The following RALGDS variants were observed in gnomAD, a reference collection of about 807,000 sequenced individuals.
RALGDS encodes ral guanine nucleotide exchange factor.
RALGDS carries 44 observed loss-of-function variants against 99.8 expected under a neutral mutation model. The ratio of observed to expected loss-of-function variants is 0.44; its 90% confidence interval spans 0.35 to 0.57. The LOEUF is 0.57. Ranked by LOEUF, RALGDS falls within the 20% of genes least tolerant of loss-of-function variation. The probability of loss-of-function intolerance (pLI) is 0.01; values close to 1 mark genes in which losing one functional copy is unlikely to be tolerated. For missense variants in RALGDS, 1,022 were observed against 1,203.1 expected, an observed-to-expected ratio of 0.85 and a Z score of 2.23; for synonymous variants, 529 against 505.0, an observed-to-expected ratio of 1.05 and a Z score of -0.64.
At chr9:133,146,507 A>G (rs956964749) in intron 1 of RALGDS, among the ~76,000 whole-genome samples, 1 of 152,068 alleles carries the variant, frequency 6.6e-6, no homozygotes, top group Non-Finnish European at 1.5e-5. Context: ...TATGTTTAGA[A>G]TCAGGCCTGA....
At chr9:133,107,539 TC>T (rs1166851738) in intron 6 of RALGDS, among the ~76,000 whole-genome samples, 1 of 148,144 alleles carries the variant, frequency 6.8e-6, no homozygotes, top group African/African-American at 2.5e-5. Flanking sequence ...CCACCCCCCA[TC>T]CCCCCGCCTC....
chr9:133,136,746 G>A (rs1402483776), intron 1 of RALGDS, among the ~76,000 whole-genome samples: 7 of 152,008 alleles, frequency 4.6e-5, no homozygotes, highest in South Asian at 2.1e-4. Flanking sequence ...ACTCCAGCCT[G>A]GGCGACAGAG....
chr9:133,103,113 TG>T (rs1830841211), intron 12 of RALGDS, 116 bp downstream of exon 12: 1 of 1,446,314 alleles, frequency 6.9e-7, no homozygotes, highest in South Asian at 1.2e-5. Context: ...CCCTTCTCTC[TG>T]TGTCCAAATG....
At chr9:133,103,677 G>A (rs1479904831) in intron 11 of RALGDS, 70 bp downstream of exon 11, 19 of 1,489,278 alleles carry the variant, frequency 1.3e-5, no homozygotes, top group Non-Finnish European at 1.7e-5. Flanking sequence ...AGGTGTGGCA[G>A]CCCAGCCCCC....
chr9:133,103,957 C>G, intron 10 of RALGDS, 124 bp from the exon 11 acceptor site: 5 of 942,644 alleles, frequency 5.3e-6, no homozygotes, highest in South Asian at 2.7e-5. Context: ...GGCCCACTGT[C>G]TCCCTGGACC....
In RALGDS at chr9:133,108,056, C is replaced by A; in HGVS notation, c.1129G>T (p.Glu377Ter). The A allele has an allele frequency of 1.2e-6, 2 of 1,613,646 alleles. No individual in the cohort carries two copies. The highest frequency in any genetic ancestry group is 8.5e-7 in the Non-Finnish European group (1 of 1,180,040). ...SPVVAENGLS[E>*]EKPHLLVFPP... Reference sequence around the variant, plus strand: ...AACACCAAGAGGTGAGGCTTCTCCTCACTCAGCCCGTTCTCTGCAACCACA... The same window carrying A: ...AACACCAAGAGGTGAGGCTTCTCCTAACTCAGCCCGTTCTCTGCAACCACA... The change falls in exon 6 of 18, where the codon GAG (glutamate) becomes TAG (stop). Residue 377 changes from glutamate (E) to a stop codon, truncating the protein, a stop_gained. Transcript: ENST00000372050. LOFTEE classifies it high-confidence loss of function.
At chr9:133,100,869 C>CT in intron 16 of RALGDS, 5 of 1,057,334 alleles carry the variant, frequency 4.7e-6, no homozygotes, top group Non-Finnish European at 5.7e-6. Context: ...CAGGTGACTG[C>CT]TTAATGACAA....
At chr9:133,116,122 C>T (rs1009637969) in intron 1 of RALGDS, among the ~76,000 whole-genome samples, 10 of 123,722 alleles carry the variant, frequency 8.1e-5, no homozygotes, top group East Asian at 2.3e-4. Flanking sequence ...GGAGGTGGAA[C>T]GCAAGGGCCT....
chr9:133,099,962 C>G (rs1830678057), intron 17 of RALGDS: 1 of 444,138 alleles, frequency 2.3e-6, no homozygotes, highest in African/African-American at 2.0e-5. Flanking sequence ...TTGTCTTAGC[C>G]AGAAAGAGTC....
chr9:133,113,781 G>GTC (rs949559229), intron 1 of RALGDS, among the ~76,000 whole-genome samples: 2 of 152,164 alleles, frequency 1.3e-5, no homozygotes, highest in Non-Finnish European at 2.9e-5. Flanking sequence ...TCAGCTGGGA[G>GTC]TCTCTCTCTC....
intron 1 of RALGDS, among the ~76,000 whole-genome samples, chr9:133,113,887 C>A (rs531450695): frequency 6.6e-6 from 1 of 152,322 alleles, no homozygotes; most frequent in South Asian, 2.1e-4. Flanking sequence ...TCGTGCAGGA[C>A]AAGCCCGCCA....
intron 2 of RALGDS, among the ~76,000 whole-genome samples, chr9:133,111,208 C>A (rs1219789568): frequency 6.6e-6 from 1 of 151,892 alleles, no homozygotes; most frequent in Non-Finnish European, 1.5e-5. Context: ...ACAAAATATC[C>A]CCATTCTAGA....
At chr9:133,107,699 T>G (rs1300249389) in intron 6 of RALGDS, among the ~76,000 whole-genome samples, 2 of 152,218 alleles carry the variant, frequency 1.3e-5, no homozygotes, top group African/African-American at 4.8e-5. Context: ...GACCCATGGA[T>G]GCACCTTGGT....
At chr9:133,137,742 G>A (rs1321354335) in intron 1 of RALGDS, among the ~76,000 whole-genome samples, 1 of 152,214 alleles carries the variant, frequency 6.6e-6, no homozygotes, top group Non-Finnish European at 1.5e-5. Flanking sequence ...GGTGGTAGGT[G>A]GTCAGGTTGG....
chr9:133,123,135 G>A (rs981744490), upstream of RALGDS, among the ~76,000 whole-genome samples: 2 of 152,074 alleles, frequency 1.3e-5, no homozygotes, highest in East Asian at 1.9e-4. Flanking sequence ...TTCGAGGCAG[G>A]AGGTCCCCAC....
intron 1 of RALGDS, among the ~76,000 whole-genome samples, chr9:133,118,333 G>A (rs1831722446): frequency 6.6e-6 from 1 of 152,212 alleles, no homozygotes; most frequent in Admixed American, 6.5e-5. Flanking sequence ...TCAAACAGTG[G>A]GAAGACGCGG....
intron 1 of RALGDS, among the ~76,000 whole-genome samples, chr9:133,147,612 G>A (rs1044897740): frequency 6.6e-6 from 1 of 152,128 alleles, no homozygotes; most frequent in African/African-American, 2.4e-5. Context: ...TAGAGGCCGG[G>A]GTCCCCCAGA....
chr9:133,117,106 C>T (rs1831646986), intron 1 of RALGDS, among the ~76,000 whole-genome samples: 1 of 152,190 alleles, frequency 6.6e-6, no homozygotes, highest in African/African-American at 2.4e-5. Context: ...CCCGAGGAGC[C>T]CAGGGCACTT....
chr9:133,137,000 C>A (rs138006743), intron 1 of RALGDS, among the ~76,000 whole-genome samples: 1 of 152,010 alleles, frequency 6.6e-6, no homozygotes, highest in East Asian at 1.9e-4. Flanking sequence ...TTTGGGAGGC[C>A]GAGGCGGGCG....
Sources: allele counts gnomAD v4.1 joint callset (sites outside exome capture counted in the v4.1 genomes callset), GRCh38; gene constraint gnomAD v4.1.1; transcripts MANE v1.5; gene names NCBI Gene and HGNC (gene_info 2026-07-23, HGNC 2026-07-21).